Variants in PTPRE observed in about 807,000 individuals in gnomAD.
PTPRE encodes the protein receptor-type tyrosine-protein phosphatase epsilon.
A neutral mutation model predicts 102.0 loss-of-function variants in PTPRE; 51 were observed. That is an observed-to-expected ratio of 0.50 (90% CI 0.40 to 0.63). The LOEUF (loss-of-function observed/expected upper bound fraction) is 0.63, where lower values mean the gene tolerates loss of function less well. Among genes scored for constraint, PTPRE ranks in the 30% least tolerant of loss-of-function variants. PTPRE has a pLI of 0.00. For missense variants in PTPRE, 752 were observed against 915.1 expected (o/e 0.82, Z 2.30); for synonymous variants, 345 against 348.2 (o/e 0.99, Z 0.10).
chr10:128,021,515 T>G (rs1845886824), intron 2 of PTPRE, among the ~76,000 whole-genome samples: 1 of 152,184 alleles, frequency 6.6e-6, no homozygotes, highest in Non-Finnish European at 1.5e-5. Flanking sequence ...ACCGCCATGC[T>G]CCCCAGAACA....
chr10:128,037,013 T>C lies in PTPRE; in HGVS notation c.-7-3862T>C, dbSNP rs547103511. Among the ~76,000 whole-genome samples the C allele has an allele frequency of 5.9e-5, 9 of 152,262 alleles. No individual in the cohort carries two copies. The East Asian group carries it at 1.7e-3, about 29-fold the overall frequency. On this transcript the variant is annotated intron_variant, in intron 2 of 20. Transcript: ENST00000254667. The stretch of plus-strand genomic sequence containing the variant: ...GGCGGCTCATGACTCGTAGCCAAGA[T>C]TTTCAAACTTCAGTCTATATAAAGC...
At chr10:127,939,630 T>C (rs1848077013) in intron 1 of PTPRE, among the ~76,000 whole-genome samples, 1 of 152,166 alleles carries the variant, frequency 6.6e-6, no homozygotes, top group Admixed American at 6.5e-5. Flanking sequence ...GTTGGGTTGC[T>C]CTTCCACATG....
rs1942848420 is a variant in PTPRE, at chr10:128,076,720, C to G, written c.1717C>G (p.Leu573Val). The G allele has an allele frequency of 1.2e-6, 2 of 1,611,512 alleles. No homozygotes were observed. Among genetic ancestry groups the G allele is most frequent in the Admixed American group, 3.4e-5 (2 of 59,146 alleles). Residue 573 changes from leucine to valine, a missense_variant, in exon 18 of 21, where the codon CTC becomes GTC. By Grantham distance (32) the Leu-to-Val change is conservative (BLOSUM62 1). Transcript: ENST00000254667. ...CAGTATACGAGACTTTCTGGTCACT[C>G]TCAATCAGGTATTGTTGAAGTAGCT... ...AISIRDFLVTLNQPQARQEEQ... is the reference protein window; with the variant it reads ...AISIRDFLVTVNQPQARQEEQ...
intron 3 of PTPRE, among the ~76,000 whole-genome samples, chr10:128,045,689 G>C (rs1035086945): frequency 2.6e-5 from 4 of 152,194 alleles, no homozygotes; most frequent in Non-Finnish European, 2.9e-5. Flanking sequence ...GGAGAGGGGT[G>C]CTCTCTGGAG....
chr10:127,934,359 A>T (rs1007370517), intron 1 of PTPRE: 1 of 152,156 alleles, frequency 6.6e-6, no homozygotes. Context: ...TTTGCTTTGA[A>T]GAGAGAGTCA....
rs1564988032 is a variant in PTPRE, at chr10:128,085,071, A to G, written c.*2165A>G. On this transcript the variant is annotated 3_prime_UTR_variant, in exon 21 of 21. Transcript: ENST00000254667. Reference sequence around the variant, plus strand: ...CCTGTTCCCAAACTTTTTCCATTCCAGGAACAAAGGAGAAGCCACTTTCCC... The same window carrying G: ...CCTGTTCCCAAACTTTTTCCATTCCGGGAACAAAGGAGAAGCCACTTTCCC... The G allele has an allele frequency of 2.2e-6, 1 of 455,942 alleles. No homozygotes were observed. Among genetic ancestry groups the G allele is most frequent in the Non-Finnish European group, 4.4e-6 (1 of 226,818 alleles). 28.2% of individuals were successfully genotyped at this position (455,942 alleles called of 1,614,324 possible). A position where few individuals can be genotyped will look rare whatever the true frequency, so the allele number is the denominator to read the frequency against.
intron 2 of PTPRE, among the ~76,000 whole-genome samples, chr10:128,032,315 T>G (rs1846828236): frequency 6.6e-6 from 1 of 152,134 alleles, no homozygotes; most frequent in Non-Finnish European, 1.5e-5. Flanking sequence ...CATGCCTGGC[T>G]GAAAATTAAA....
At chr10:128,054,604 A>G (rs1323346631) in intron 6 of PTPRE, among the ~76,000 whole-genome samples, 2 of 151,004 alleles carry the variant, frequency 1.3e-5, no homozygotes, top group Non-Finnish European at 3.0e-5. Flanking sequence ...GGACCAACAA[A>G]CCCCATGGCC....
At chr10:128,055,128 G>GTGCATATTC (rs1450475357) in intron 6 of PTPRE, among the ~76,000 whole-genome samples, 6 of 152,182 alleles carry the variant, frequency 3.9e-5, no homozygotes, top group South Asian at 4.1e-4. Flanking sequence ...GAGACACTCA[G>GTGCATATTC]TGCATATTCA....
rs1370472492 is a variant in PTPRE at position 128,076,599 on chromosome 10, T to C, written c.1600-4T>C. 1.9e-6 allele frequency: 3 copies of C among 1,575,330 alleles called. No individual in the cohort carries two copies. The highest frequency in any genetic ancestry group is 2.8e-5 in the African/African-American group (2 of 72,172). On this transcript the variant is annotated splice_polypyrimidine_tract_variant and splice_region_variant and intron_variant, in intron 17 of 20. Coordinates refer to ENST00000254667, the MANE Select transcript of PTPRE (RefSeq NM_006504.6). ...AGACTTAAATTTTTATTTTATCCCC[T>C]AAGGATAAATGCTACCAGTATTGGC...
At position 128,080,191 on chromosome 10, in the gene PTPRE, C is replaced by T. The variant is rs531360895; in HGVS notation, c.2028+496C>T. On this transcript the variant is annotated intron_variant, in intron 20 of 20. Coordinates refer to ENST00000254667, the MANE Select transcript of PTPRE (RefSeq NM_006504.6). ...TCCCTAATGTATTAGTAGTTTTCCCCGTACATTCTTTCATTTCAAGGACTC... is the reference window on the plus strand; with the variant it reads ...TCCCTAATGTATTAGTAGTTTTCCCTGTACATTCTTTCATTTCAAGGACTC... Among the ~76,000 whole-genome samples, 26 of 152,306 alleles carry T rather than the reference C, an allele frequency of 1.7e-4. No homozygotes were observed. In the East Asian group the frequency reaches 4.1e-3, roughly 24 times the overall value.
At chr10:128,081,047 T>G (rs1446446915) in intron 20 of PTPRE, among the ~76,000 whole-genome samples, 1 of 152,170 alleles carries the variant, frequency 6.6e-6, no homozygotes, top group Non-Finnish European at 1.5e-5. Flanking sequence ...TCTTCAGGTA[T>G]TAAGTGTCAG....
intron 1 of PTPRE, among the ~76,000 whole-genome samples, chr10:127,978,145 A>G (rs759328229): frequency 4.6e-5 from 7 of 152,202 alleles, no homozygotes; most frequent in Non-Finnish European, 1.0e-4. Context: ...CATCTGCAGA[A>G]TGCCTTTCCT....
chr10:128,064,308 C>A (rs910567862), intron 10 of PTPRE, among the ~76,000 whole-genome samples: 49 of 152,258 alleles, frequency 3.2e-4, no homozygotes, highest in Non-Finnish European at 4.1e-4. Flanking sequence ...TGGAGGCTTT[C>A]ATTCTGCTCT....
At chr10:128,047,887 T>C in intron 5 of PTPRE, 50 bp downstream of exon 5, 1 of 1,515,234 alleles carries the variant, frequency 6.6e-7, no homozygotes. Context: ...GTGTTCTTTT[T>C]TAGCAGACAC....
intron 1 of PTPRE, among the ~76,000 whole-genome samples, chr10:127,950,268 C>T (rs1192694194): frequency 6.6e-6 from 1 of 152,106 alleles, no homozygotes; most frequent in Non-Finnish European, 1.5e-5. Flanking sequence ...ACCCACTGAG[C>T]AGAGATTCTG....
At chr10:127,935,997 T>G (rs1285226914) in intron 1 of PTPRE, 1 of 152,272 alleles carries the variant, frequency 6.6e-6, no homozygotes, top group Non-Finnish European at 1.5e-5. Context: ...CGATTGCCTC[T>G]GAGCTCAGGC....
At chr10:128,073,936 C>T (rs752164022) in intron 17 of PTPRE, among the ~76,000 whole-genome samples, 45 of 152,266 alleles carry the variant, frequency 3.0e-4, no homozygotes, top group Non-Finnish European at 5.9e-4. Flanking sequence ...ATATAATTCA[C>T]CTATAATTCA....
intron 13 of PTPRE, 37 bp downstream of exon 13, chr10:128,069,864 C>T (rs1279915532): frequency 6.2e-7 from 1 of 1,613,648 alleles, no homozygotes; most frequent in African/African-American, 1.3e-5. Flanking sequence ...ATCTAGCTTC[C>T]CAAAGCAAAC....
Sources: allele counts gnomAD v4.1 joint callset (sites outside exome capture counted in the v4.1 genomes callset), GRCh38; gene constraint gnomAD v4.1.1; transcripts MANE v1.5; gene names NCBI Gene and HGNC (gene_info 2026-07-23, HGNC 2026-07-21).